Variants in USP16 observed in about 807,000 individuals in gnomAD.
USP16 encodes the protein ubiquitin carboxyl-terminal hydrolase 16.
USP16 carries 77 observed loss-of-function variants against 95.9 expected under a neutral mutation model. That is an observed-to-expected ratio of 0.80 (90% CI 0.67 to 0.97). The LOEUF (loss-of-function observed/expected upper bound fraction) is 0.97. USP16 is among the 50% of genes least tolerant of loss of function. The pLI, the probability that USP16 is intolerant of heterozygous loss-of-function variation, is 0.00. For missense variants in USP16, 943 were observed against 959.9 expected (o/e 0.98, Z 0.23); for synonymous variants, 303 against 318.2 (o/e 0.95, Z 0.51).
chr21:29,045,816 C>CT (rs1388668653), intron 13 of USP16, among the ~76,000 whole-genome samples: 6 of 151,638 alleles, frequency 4.0e-5, no homozygotes, highest in African/African-American at 7.3e-5. Context: ...CTTTTTCTTT[C>CT]TTTTTTTTGG....
chr21:29,047,049 A>G lies in USP16; in HGVS notation c.1739A>G (p.Asn580Ser), dbSNP rs1199634054. The part of the protein sequence containing the change: ...VDISNGFKNL[N>S]LNAALHPDEI... Reference sequence around the variant, plus strand: ...ATTTCCAATGGTTTCAAAAACCTAAATTTGAATGCTGCTCTTCATCCTGAT... The same window carrying G: ...ATTTCCAATGGTTTCAAAAACCTAAGTTTGAATGCTGCTCTTCATCCTGAT... The change falls in exon 14 of 18, where the codon AAT becomes AGT. Residue 580 changes from asparagine (N) to serine (S), a missense_variant. Physicochemically the swap from Asn to Ser is conservative, Grantham distance 46. Transcript: ENST00000399976. The G allele has an allele frequency of 5.0e-6, 8 of 1,613,978 alleles. No homozygotes were observed. In the African/African-American group the frequency reaches 1.1e-4, roughly 22 times the overall value.
intron 12 of USP16, chr21:29,043,129 G>T (rs1388325171): frequency 1.1e-5 from 2 of 190,106 alleles, no homozygotes; most frequent in Non-Finnish European, 2.2e-5. Context: ...TTTGGAAATG[G>T]ACGTATTTAC....
At chr21:29,049,836 C>T (rs916413986) in intron 15 of USP16, among the ~76,000 whole-genome samples, 1 of 152,214 alleles carries the variant, frequency 6.6e-6, no homozygotes, top group African/African-American at 2.4e-5. Flanking sequence ...GCTGAGATTA[C>T]AGGCATGTGC....
At position 29,046,794 on chromosome 21, in the gene USP16, C is replaced by A; in HGVS notation, c.1484C>A (p.Ser495Tyr). ...MSLQGEVNIK[S>Y]NHISQEGVMH... ...CTTCAAGGAGAAGTAAATATTAAAT[C>A]CAACCATATTTCACAAGAGGGTGTT... The change falls in exon 14 of 18, where the codon TCC becomes TAC. Residue 495 changes from serine (S) to tyrosine (Y), a missense_variant. Ser to Tyr is a moderately radical substitution (Grantham distance 144). Transcript: ENST00000399976. The A allele has an allele frequency of 6.2e-7, 1 of 1,614,022 alleles. No individual in the cohort carries two copies. The highest frequency in any genetic ancestry group is 1.3e-5 in the African/African-American group (1 of 75,008).
chr21:29,038,554 AACTT>A (rs1484062266), intron 7 of USP16, 124 bp downstream of exon 7: 1 of 756,100 alleles, frequency 1.3e-6, no homozygotes, highest in African/African-American at 1.8e-5. Context: ...TTAGGCTACT[AACTT>A]AAACAGTTTC....
chr21:29,050,290 AG>A, intron 16 of USP16, 112 bp downstream of exon 16: 2 of 827,356 alleles, frequency 2.4e-6, no homozygotes, highest in Non-Finnish European at 3.7e-6. Flanking sequence ...TATTGAGTAG[AG>A]TGGGTCTTTG....
chr21:29,048,490 A>G (rs1283496558), intron 14 of USP16, among the ~76,000 whole-genome samples: 1 of 152,126 alleles, frequency 6.6e-6, no homozygotes, highest in African/African-American at 2.4e-5. Context: ...CAGTAATTCA[A>G]TTTTGCTCTG....
chr21:29,041,091 C>T (rs551800374), intron 10 of USP16, among the ~76,000 whole-genome samples: 11 of 152,142 alleles, frequency 7.2e-5, no homozygotes, highest in Non-Finnish European at 1.6e-4. Context: ...TCCTCTATAC[C>T]TTTGCTGTTC....
At position 29,039,583 on chromosome 21, in the gene USP16, A is replaced by C. The variant is rs1253427462; in HGVS notation, c.951+15A>C. On this transcript the variant is annotated intron_variant, in intron 9 of 17. Coordinates refer to ENST00000399976, the MANE Select transcript of USP16 (RefSeq NM_006447.3). ...AAGAACACCAAGTTAGCATGTTATG[A>C]CCATTGTATTTTATGATCTTATCTT... The C allele has an allele frequency of 5.6e-6, 9 of 1,606,890 alleles. No homozygotes were observed. The highest frequency in any genetic ancestry group is 7.7e-6 in the Non-Finnish European group (9 of 1,175,100).
chr21:29,030,137 C>T (rs2085056101), intron 2 of USP16, among the ~76,000 whole-genome samples: 1 of 151,886 alleles, frequency 6.6e-6, no homozygotes, highest in African/African-American at 2.4e-5. Context: ...GCTGCCTTTC[C>T]TTCCAGAATG....
Position 29,024,716 on chromosome 21 carries a change from G to T in USP16, c.-103G>T, listed in dbSNP as rs573262451. On this transcript the variant is annotated 5_prime_UTR_variant, in exon 1 of 18. Coordinates refer to ENST00000399976, the MANE Select transcript of USP16 (RefSeq NM_006447.3). ...CTCAATTCGTCACCAGGAGGAAGAC[G>T]GAGCTGGCTGCCCAGCCCAAAGGCC... The T allele has an allele frequency of 1.2e-5, 15 of 1,289,400 alleles. No homozygotes were observed. In the South Asian group the frequency reaches 1.9e-4, roughly 16 times the overall value. 79.9% of individuals were successfully genotyped at this position (1,289,400 alleles called of 1,614,324 possible). A position where few individuals can be genotyped will look rare whatever the true frequency, so the allele number is the denominator to read the frequency against.
Position 29,046,821 on chromosome 21 carries a change from T to G in USP16, c.1511T>G (p.Met504Arg), listed in dbSNP as rs1345217676. ...KSNHISQEGV[M>R]HKEYCVNQKD... ...AACCATATTTCACAAGAGGGTGTTA[T>G]GCATAAAGAATATTGTGTCAACCAG... is the stretch of plus-strand genomic sequence containing the variant. Residue 504 changes from methionine (M) to arginine (R), a missense_variant, in exon 14 of 18, where the codon ATG (methionine) becomes AGG (arginine). Coordinates refer to ENST00000399976, the MANE Select transcript of USP16 (RefSeq NM_006447.3). 1.2e-6 allele frequency: 2 copies of G among 1,614,156 alleles called. No individual in the cohort carries two copies. Among genetic ancestry groups the G allele is most frequent in the Non-Finnish European group, 1.7e-6 (2 of 1,180,026 alleles).
At chr21:29,028,879 A>T (rs1354925764) in intron 2 of USP16, among the ~76,000 whole-genome samples, 4 of 152,250 alleles carry the variant, frequency 2.6e-5, no homozygotes, top group Non-Finnish European at 5.9e-5. Flanking sequence ...GTAGTAAACA[A>T]CTTTATAGCT....
Position 29,028,724 on chromosome 21 carries a change from C to T in USP16, c.61+750C>T, listed in dbSNP as rs527851148. ...TGCTGGGATTACAGGCGTGAGCCAC[C>T]GCGCCCGACCTTCAACAACATTTTT... On this transcript the variant is annotated intron_variant, in intron 2 of 17. Transcript: ENST00000399976. 1.1e-3 allele frequency among the ~76,000 whole-genome samples: 162 copies of T among 152,280 alleles called. 1 individual carries two copies. Among genetic ancestry groups the T allele is most frequent in the Non-Finnish European group, 1.6e-3 (110 of 68,020 alleles).
intron 16 of USP16, chr21:29,052,101 T>C (rs910433794): frequency 2.0e-5 from 3 of 152,150 alleles, no homozygotes; most frequent in African/African-American, 7.2e-5. Flanking sequence ...TTAATGTGTA[T>C]GTGGGAATCA....
chr21:29,030,530 T>G, intron 2 of USP16, 65 bp from the exon 3 acceptor site: 6 of 1,356,658 alleles, frequency 4.4e-6, no homozygotes, highest in Non-Finnish European at 4.8e-6. Flanking sequence ...GGGTAAGTTT[T>G]GAGATTAACT....
chr21:29,029,683 TTTGCACATTG>T (rs1467403584), intron 2 of USP16, among the ~76,000 whole-genome samples: 2 of 152,202 alleles, frequency 1.3e-5, no homozygotes, highest in African/African-American at 4.8e-5. Context: ...ACTGCTCATT[TTTGCACATTG>T]TGTAACTCCA....
At chr21:29,036,498 C>T in intron 5 of USP16, 124 bp downstream of exon 5, 1 of 879,522 alleles carries the variant, frequency 1.1e-6, no homozygotes, top group Non-Finnish European at 1.7e-6. Flanking sequence ...TGATTGCAAA[C>T]TATGAAACTA....
At chr21:29,049,560 A>T (rs1365917235) in intron 15 of USP16, among the ~76,000 whole-genome samples, 3 of 152,096 alleles carry the variant, frequency 2.0e-5, no homozygotes, top group Non-Finnish European at 4.4e-5. Context: ...CTCACGAGAA[A>T]AGTTGTTTTT....
Sources: allele counts gnomAD v4.1 joint callset (sites outside exome capture counted in the v4.1 genomes callset), GRCh38; gene constraint gnomAD v4.1.1; transcripts MANE v1.5; gene names NCBI Gene and HGNC (gene_info 2026-07-23, HGNC 2026-07-21).